Variants in TXNDC8 observed in about 807,000 individuals in gnomAD.
TXNDC8 encodes the protein thioredoxin domain-containing protein 8.
A neutral mutation model predicts 12.9 loss-of-function variants in TXNDC8; 15 were observed. That is an observed-to-expected ratio of 1.16 (90% confidence interval 0.78 to 1.79). The LOEUF (loss-of-function observed/expected upper bound fraction) is 1.79. Among genes scored for constraint, TXNDC8 ranks in the 40% most tolerant of loss-of-function variants. The probability of loss-of-function intolerance (pLI) is 0.00; values close to 1 mark genes in which losing one functional copy is unlikely to be tolerated. For missense variants in TXNDC8, 128 were observed against 113.2 expected (o/e 1.13, Z -0.59); for synonymous variants, 40 against 35.4 (o/e 1.13, Z -0.46).
In TXNDC8 at chr9:110,331,402, G is replaced by A. The variant is rs759355446; in HGVS notation, c.129+2814C>T. On this transcript the variant is annotated intron_variant, in intron 2 of 4. Transcript: ENST00000423740. ...CCGTTTCCCATGACTTCTGGTTATG[G>A]CAATGTTAGAATCTCCACAGGTGGG... Among the ~76,000 whole-genome samples the A allele has an allele frequency of 1.1e-4, 17 of 152,172 alleles. 1 individual carries two copies. Among genetic ancestry groups the A allele is most frequent in the South Asian group, 6.2e-4 (3 of 4,826 alleles).
intron 4 of TXNDC8, 116 bp downstream of exon 5, chr9:110,304,351 A>C (rs1404993453): frequency 2.2e-6 from 2 of 915,580 alleles, no homozygotes; most frequent in Non-Finnish European, 1.6e-6. Flanking sequence ...AACCATCCCC[A>C]CACCAAAGGC....
At chr9:110,326,328 G>T in intron 2 of TXNDC8, 88 bp from the exon 4 acceptor site, 1 of 1,384,716 alleles carries the variant, frequency 7.2e-7, no homozygotes, top group Non-Finnish European at 1.0e-6. Context: ...TTTAGGAGGC[G>T]TGTCTGAAAT....
downstream of TXNDC8, among the ~76,000 whole-genome samples, chr9:110,303,319 T>TGC (rs1217983770): frequency 1.3e-5 from 2 of 152,098 alleles, no homozygotes; most frequent in African/African-American, 2.4e-5. Flanking sequence ...GAAGCCCAAG[T>TGC]TGGAGAATGG....
intron 2 of TXNDC8, among the ~76,000 whole-genome samples, chr9:110,327,513 G>A (rs1463252950): frequency 1.3e-5 from 2 of 151,972 alleles, no homozygotes; most frequent in East Asian, 3.9e-4. Context: ...AGTAGAGATG[G>A]GGGTTCGCCA....
At chr9:110,311,520 GGTATATATAT>G (rs1245342928) in intron 3 of TXNDC8, among the ~76,000 whole-genome samples, 5 of 16,534 alleles carry the variant, frequency 3.0e-4, no homozygotes, top group African/African-American at 9.5e-4. Flanking sequence ...AAAATAAAGA[GGTATATATAT>G]ATATATATAT....
At chr9:110,327,480 G>A (rs922634098) in intron 2 of TXNDC8, among the ~76,000 whole-genome samples, 6 of 151,920 alleles carry the variant, frequency 3.9e-5, no homozygotes, top group African/African-American at 4.8e-5. Context: ...GCATCATCAC[G>A]CCTGGCCAAT....
intron 2 of TXNDC8, chr9:110,329,259 A>G (rs1372774354): frequency 7.4e-6 from 12 of 1,611,444 alleles, no homozygotes; most frequent in Non-Finnish European, 1.0e-5. Flanking sequence ...CCACATTAGC[A>G]AAAAATACAT....
At chr9:110,306,799 G>C (rs1838485750) in intron 3 of TXNDC8, among the ~76,000 whole-genome samples, 1 of 152,074 alleles carries the variant, frequency 6.6e-6, no homozygotes, top group Non-Finnish European at 1.5e-5. Context: ...AAGATGGTTT[G>C]AGTAACTCAT....
At chr9:110,319,008 G>A (rs986330973) in intron 3 of TXNDC8, among the ~76,000 whole-genome samples, 5 of 152,180 alleles carry the variant, frequency 3.3e-5, no homozygotes, top group African/African-American at 1.2e-4. Context: ...AGGTGCTGAA[G>A]GTTGCTAGAT....
rs76478004 is a variant in TXNDC8 at position 110,319,807 on chromosome 9, A to G, written c.195+6368T>C. Among the ~76,000 whole-genome samples, 11 of 152,326 alleles carry G rather than the reference A, an allele frequency of 7.2e-5. No individual in the cohort carries two copies. The East Asian group carries it at 1.7e-3, about 24-fold the overall frequency. On this transcript the variant is annotated intron_variant, in intron 3 of 4. Coordinates refer to ENST00000423740, the MANE Select transcript of TXNDC8 (RefSeq NM_001286946.2). ...CTTCCAATCTTGTCCTCTTTCTAGCATACCACGGTATCACCTCTTTGATAT... is the reference window on the plus strand; with the variant it reads ...CTTCCAATCTTGTCCTCTTTCTAGCGTACCACGGTATCACCTCTTTGATAT...
chr9:110,312,157 C>T (rs1246686634), intron 3 of TXNDC8, among the ~76,000 whole-genome samples: 1 of 152,064 alleles, frequency 6.6e-6, no homozygotes, highest in Non-Finnish European at 1.5e-5. Context: ...GCTTTATTGA[C>T]AGCTTTTAAT....
intron 3 of TXNDC8, chr9:110,323,392 G>A: frequency 1.1e-6 from 1 of 931,500 alleles, no homozygotes; most frequent in Non-Finnish European, 1.3e-6. Context: ...AAGCTCATTA[G>A]TTAATGGTGC....
chr9:110,317,208 G>A (rs995768524), intron 3 of TXNDC8, among the ~76,000 whole-genome samples: 1 of 152,166 alleles, frequency 6.6e-6, no homozygotes, highest in African/African-American at 2.4e-5. Flanking sequence ...CCCGTTTACT[G>A]GAAGTGTAGG....
intron 3 of TXNDC8, among the ~76,000 whole-genome samples, chr9:110,314,258 C>T (rs1025735024): frequency 1.3e-5 from 2 of 152,146 alleles, no homozygotes; most frequent in African/African-American, 2.4e-5. Flanking sequence ...AACCAATGTT[C>T]ATCTTACATA....
At chr9:110,333,049 A>C (rs1158018311) in intron 2 of TXNDC8, among the ~76,000 whole-genome samples, 1 of 152,228 alleles carries the variant, frequency 6.6e-6, no homozygotes. Context: ...AGAGAAGCAG[A>C]AAATATAATG....
At chr9:110,301,701 T>C (rs1838273595), downstream of TXNDC8, among the ~76,000 whole-genome samples, 1 of 152,204 alleles carries the variant, frequency 6.6e-6, no homozygotes, top group South Asian at 2.1e-4. Context: ...AACATCTATC[T>C]GTAGCAACAT....
intron 2 of TXNDC8, among the ~76,000 whole-genome samples, chr9:110,331,610 A>C (rs906246637): frequency 1.3e-5 from 2 of 152,086 alleles, no homozygotes; most frequent in Non-Finnish European, 2.9e-5. Flanking sequence ...TTTTGATACC[A>C]GGGACCAGTT....
chr9:110,305,293 C>G (rs1363691698), intron 3 of TXNDC8, among the ~76,000 whole-genome samples: 1 of 151,954 alleles, frequency 6.6e-6, no homozygotes, highest in Non-Finnish European at 1.5e-5. Flanking sequence ...GTTTATGAGA[C>G]TTACCTGGAG....
At chr9:110,331,335 C>T (rs142045741) in intron 2 of TXNDC8, among the ~76,000 whole-genome samples, 192 of 152,176 alleles carry the variant, frequency 1.3e-3, no homozygotes, top group African/African-American at 4.6e-3. Context: ...TGACTCTGAC[C>T]GCTGCTCTGT....
Sources: allele counts gnomAD v4.1 joint callset (sites outside exome capture counted in the v4.1 genomes callset), GRCh38; gene constraint gnomAD v4.1.1; transcripts MANE v1.5; gene names NCBI Gene and HGNC (gene_info 2026-07-23, HGNC 2026-07-21).